Variants in DNAH12 observed in about 807,000 individuals in gnomAD.
DNAH12 encodes the protein dynein axonemal heavy chain 12.
In DNAH12, 285 loss-of-function variants were observed where a neutral mutation model predicts 371.5. The observed-to-expected ratio is 0.77, with a 90% CI of 0.70 to 0.85. The LOEUF (loss-of-function observed/expected upper bound fraction) is 0.85. Ranked by LOEUF, DNAH12 falls within the 40% of genes least tolerant of loss-of-function variation. The pLI, the probability that DNAH12 is intolerant of heterozygous loss-of-function variation, is 0.00. For synonymous variants in DNAH12, 1,200 were observed against 1,213.0 expected (o/e 0.99, Z 0.22); for missense variants, 3,611 against 3,689.4 (o/e 0.98, Z 0.55).
chr3:57,537,752 T>C (rs996441069), intron 2 of DNAH12, among the ~76,000 whole-genome samples: 1 of 151,820 alleles, frequency 6.6e-6, no homozygotes, highest in Non-Finnish European at 1.5e-5. Flanking sequence ...TGGCATGATC[T>C]TGGCTCACTG....
intron 41 of DNAH12, among the ~76,000 whole-genome samples, chr3:57,405,434 A>T (rs782565163): frequency 6.6e-6 from 1 of 152,214 alleles, no homozygotes; most frequent in Non-Finnish European, 1.5e-5. Context: ...TATATCTATT[A>T]TATCATTTAT....
chr3:57,428,445 T>C (rs1212481651), intron 34 of DNAH12, 188 bp downstream of exon 34: 3 of 1,529,218 alleles, frequency 2.0e-6, no homozygotes, highest in African/African-American at 1.4e-5. Context: ...ACAAATAGTT[T>C]AGCTGGAATA....
In DNAH12 at chr3:57,403,508, CA is replaced by C; in HGVS notation, c.6756-8del. The stretch of plus-strand genomic sequence containing the variant: ...TAAATGTTCCAAAACATACCTACCA[CA>C]AAAGAAAAATTTTATTAATGCATTA... On this transcript the variant is annotated splice_region_variant and splice_polypyrimidine_tract_variant and intron_variant, in intron 42 of 73. Coordinates refer to ENST00000495027, the MANE Select transcript of DNAH12 (RefSeq NM_001366028.2). The C allele has an allele frequency of 6.5e-7, 1 of 1,534,282 alleles. No homozygotes were observed. The highest frequency in any genetic ancestry group is 8.8e-7 in the Non-Finnish European group (1 of 1,140,366).
intron 4 of DNAH12, among the ~76,000 whole-genome samples, chr3:57,518,172 T>C (rs2068269539): frequency 1.3e-5 from 2 of 152,302 alleles, no homozygotes; most frequent in South Asian, 2.1e-4. Context: ...TATTTATTCA[T>C]TCATCAATCA....
At chr3:57,424,280 GC>G (rs2064687191) in intron 35 of DNAH12, among the ~76,000 whole-genome samples, 1 of 150,682 alleles carries the variant, frequency 6.6e-6, no homozygotes, top group South Asian at 2.2e-4. Flanking sequence ...GACCAGCCTG[GC>G]CAACATGGTG....
chr3:57,523,576 AACTC>A lies in DNAH12; in HGVS notation c.279+3_279+6del, dbSNP rs756993103. On this transcript the variant is annotated splice_donor_5th_base_variant and intron_variant, in intron 4 of 73. Coordinates refer to ENST00000495027, the MANE Select transcript of DNAH12 (RefSeq NM_001366028.2). ...TTCAAACAAGAAATATAAAAACTTGAACTCACTCCTTTTTTTTTCATTTCACTGG... is the reference window on the plus strand; with the variant it reads ...TTCAAACAAGAAATATAAAAACTTGAACTCCTTTTTTTTTCATTTCACTGG... 8.9e-6 allele frequency: 14 copies of A among 1,581,592 alleles called. No homozygotes were observed. Among genetic ancestry groups the A allele is most frequent in the Non-Finnish European group, 1.2e-5 (14 of 1,164,574 alleles).
chr3:57,467,881 A>C (rs931787486), intron 17 of DNAH12, among the ~76,000 whole-genome samples: 3 of 152,132 alleles, frequency 2.0e-5, no homozygotes, highest in Non-Finnish European at 2.9e-5. Flanking sequence ...TGAGGAGCTA[A>C]AGTTGTGGGA....
intron 30 of DNAH12, 66 bp from the exon 31 acceptor site, chr3:57,433,894 T>C: frequency 1.5e-6 from 2 of 1,292,550 alleles, no homozygotes; most frequent in East Asian, 2.7e-5. Context: ...TATATCAGTA[T>C]ATAAAACTTT....
In DNAH12 at chr3:57,308,895, G is replaced by A. The variant is rs554074030; in HGVS notation, c.11189+256C>T. Reference sequence around the variant, plus strand: ...TATCCAGGCCATCACCAATAATTCTGTAAGACAAATGTTTCTTCTAACAAC... The same window carrying A: ...TATCCAGGCCATCACCAATAATTCTATAAGACAAATGTTTCTTCTAACAAC... On this transcript the variant is annotated intron_variant, in intron 69 of 73. Transcript: ENST00000495027. Among the ~76,000 whole-genome samples the A allele has an allele frequency of 9.6e-3, 1,452 of 151,048 alleles. 13 individuals carry two copies. Among genetic ancestry groups the A allele is most frequent in the African/African-American group, 0.034 (1,393 of 40,644 alleles).
At chr3:57,421,474 G>A (rs1312547969) in intron 36 of DNAH12, 44 bp downstream of exon 36, 2 of 1,540,278 alleles carry the variant, frequency 1.3e-6, no homozygotes, top group Non-Finnish European at 1.8e-6. Context: ...GCTGGCCTAA[G>A]CCTTTGTGTT....
chr3:57,431,497 C>G (rs1010547974), intron 32 of DNAH12, among the ~76,000 whole-genome samples: 33 of 152,176 alleles, frequency 2.2e-4, no homozygotes, highest in African/African-American at 7.2e-4. Flanking sequence ...TCCAATCCAT[C>G]CAGTTATTTC....
intron 58 of DNAH12, among the ~76,000 whole-genome samples, chr3:57,358,642 C>T (rs1165001182): frequency 1.3e-5 from 2 of 151,996 alleles, no homozygotes; most frequent in African/African-American, 4.8e-5. Flanking sequence ...ACAAAGTTAT[C>T]GACAATGGGA....
At chr3:57,441,171 T>C (rs1479381567) in intron 29 of DNAH12, among the ~76,000 whole-genome samples, 1 of 151,328 alleles carries the variant, frequency 6.6e-6, no homozygotes, top group Admixed American at 6.6e-5. Context: ...ATAGAAAAAA[T>C]AGAGGAAAAA....
intron 2 of DNAH12, among the ~76,000 whole-genome samples, chr3:57,528,667 G>C (rs59778105): frequency 1.3e-5 from 2 of 150,310 alleles, no homozygotes; most frequent in Non-Finnish European, 3.0e-5. Context: ...CGGAGGTTGC[G>C]GTGAGCCGAG....
chr3:57,413,846 A>C lies in DNAH12; in HGVS notation c.5920T>G (p.Cys1974Gly). Residue 1974 changes from cysteine to glycine, a missense_variant, in exon 39 of 74, where the codon TGT becomes GGT. This residue lies in a region of DNAH12 where 2,266 missense variants were observed against 2,236.9 expected (regional missense o/e 1.01). Coordinates refer to ENST00000495027, the MANE Select transcript of DNAH12 (RefSeq NM_001366028.2). ...TTCATATCATCTATAAAAATTATAC[A>C]CTTCTTTCCCATAGGTGGTCCAAAG... ...GVFGPPMGKK[C>G]IIFIDDMNMP... is the part of the protein sequence containing the mutation. 6.4e-7 allele frequency: 1 copy of C among 1,551,220 alleles called. No individual in the cohort carries two copies. The highest frequency in any genetic ancestry group is 8.7e-7 in the Non-Finnish European group (1 of 1,146,754).
At chr3:57,539,114 T>C (rs1385112630) in intron 2 of DNAH12, among the ~76,000 whole-genome samples, 1 of 152,234 alleles carries the variant, frequency 6.6e-6, no homozygotes, top group African/African-American at 2.4e-5. Context: ...TCATCTATGC[T>C]ACTGTAGTGG....
chr3:57,408,913 G>C (rs372248139), intron 39 of DNAH12, among the ~76,000 whole-genome samples: 1 of 152,112 alleles, frequency 6.6e-6, no homozygotes, highest in South Asian at 2.1e-4. Flanking sequence ...ATTTTACCTA[G>C]GACAATTCTG....
At chr3:57,382,092 C>T (rs2063404942) in intron 50 of DNAH12, among the ~76,000 whole-genome samples, 170 bp downstream of exon 50, 1 of 151,952 alleles carries the variant, frequency 6.6e-6, no homozygotes, top group Non-Finnish European at 1.5e-5. Flanking sequence ...GGTCTGGAAC[C>T]ACGTTTTTTG....
At chr3:57,538,105 T>G (rs190732774) in intron 2 of DNAH12, among the ~76,000 whole-genome samples, 2 of 152,276 alleles carry the variant, frequency 1.3e-5, no homozygotes, top group African/African-American at 4.8e-5. Context: ...TAAAGTTAGT[T>G]TTCAAAGAAT....
Sources: allele counts gnomAD v4.1 joint callset (sites outside exome capture counted in the v4.1 genomes callset), GRCh38; gene constraint gnomAD v4.1.1; regional missense constraint gnomAD v4.1.1; transcripts MANE v1.5; gene names NCBI Gene and HGNC (gene_info 2026-07-23, HGNC 2026-07-21).